The following RBBP8 variants were observed in gnomAD, a reference collection of about 807,000 sequenced individuals.
The protein encoded by RBBP8 is RB binding protein 8, endonuclease, also known as DNA endonuclease RBBP8.
RBBP8 carries 88 observed loss-of-function variants against 108.3 expected under a neutral mutation model. The ratio of observed to expected loss-of-function variants is 0.81; its 90% CI spans 0.68 to 0.97. RBBP8 has a LOEUF of 0.97. Among genes scored for constraint, RBBP8 ranks in the 50% least tolerant of loss-of-function variants. The pLI, the probability that RBBP8 is intolerant of heterozygous loss-of-function variation, is 0.00. For missense variants in RBBP8, 1,023 were observed against 1,049.0 expected (o/e 0.98, Z 0.34); for synonymous variants, 332 against 348.2 (o/e 0.95, Z 0.52).
chr18:22,965,244 A>C (rs573889814), intron 4 of RBBP8, among the ~76,000 whole-genome samples: 1 of 151,708 alleles, frequency 6.6e-6, no homozygotes, highest in Admixed American at 6.6e-5. Context: ...CTTATAATTT[A>C]TAAGCATTTC....
intron 4 of RBBP8, chr18:22,950,110 G>A (rs1455486205): frequency 1.2e-5 from 2 of 172,424 alleles, no homozygotes; most frequent in East Asian, 1.6e-4. Flanking sequence ...GGAGTCTAGG[G>A]ATCTTCTTTC....
chr18:22,950,310 C>T (rs148803398), intron 4 of RBBP8, among the ~76,000 whole-genome samples: 215 of 152,232 alleles, frequency 1.4e-3, no homozygotes, highest in Middle Eastern at 0.014. Context: ...TCCAGCCAAG[C>T]GTGGTGGCTC....
intron 15 of RBBP8, among the ~76,000 whole-genome samples, chr18:23,004,041 C>T (rs571060408): frequency 3.5e-4 from 43 of 123,262 alleles, no homozygotes; most frequent in African/African-American, 1.2e-3. Flanking sequence ...TGGGCAACAG[C>T]GCAAGACCCC....
At chr18:22,929,123 G>C (rs1909900319), upstream of RBBP8, among the ~76,000 whole-genome samples, 1 of 152,166 alleles carries the variant, frequency 6.6e-6, no homozygotes, top group Non-Finnish European at 1.5e-5. Context: ...CTCAACTAGG[G>C]CAATAAGTGA....
At chr18:22,957,980 G>T (rs776294914) in intron 4 of RBBP8, among the ~76,000 whole-genome samples, 3 of 152,084 alleles carry the variant, frequency 2.0e-5, no homozygotes, top group Non-Finnish European at 4.4e-5. Flanking sequence ...ATATATTTAG[G>T]TCTTTGTTTT....
chr18:23,014,884 T>TTTTTG (rs980610934), intron 16 of RBBP8, among the ~76,000 whole-genome samples: 4 of 152,050 alleles, frequency 2.6e-5, no homozygotes, highest in Non-Finnish European at 4.4e-5. Context: ...TTCTGGTTTT[T>TTTTTG]TTTTGTTTTG....
At chr18:23,025,158 G>A (rs1004648875) in intron 18 of RBBP8, among the ~76,000 whole-genome samples, 1 of 152,132 alleles carries the variant, frequency 6.6e-6, no homozygotes, top group Non-Finnish European at 1.5e-5. Flanking sequence ...AGGAGGCTGA[G>A]ATGGGAGGAT....
intron 6 of RBBP8, among the ~76,000 whole-genome samples, chr18:22,978,259 G>A (rs1914631896): frequency 1.3e-5 from 2 of 152,180 alleles, no homozygotes; most frequent in African/African-American, 4.8e-5. Context: ...GTTTAAGAGG[G>A]AGCAGAGGTC....
At chr18:22,939,421 C>T (rs889028677) in intron 2 of RBBP8, among the ~76,000 whole-genome samples, 8 of 151,908 alleles carry the variant, frequency 5.3e-5, no homozygotes, top group African/African-American at 1.9e-4. Flanking sequence ...GCAGGAGAAT[C>T]GCTTGAACCC....
intron 5 of RBBP8, among the ~76,000 whole-genome samples, chr18:22,969,817 A>G (rs1913934118): frequency 6.6e-6 from 1 of 152,154 alleles, no homozygotes; most frequent in African/African-American, 2.4e-5. Flanking sequence ...ACTTTAGACT[A>G]TGTCTTGGAA....
intron 16 of RBBP8, 85 bp downstream of exon 16, chr18:23,006,517 T>A (rs2046051557): frequency 8.2e-7 from 1 of 1,217,114 alleles, no homozygotes; most frequent in Non-Finnish European, 1.2e-6. Context: ...TTCTTTTTTT[T>A]TAAAGACAGA....
intron 4 of RBBP8, among the ~76,000 whole-genome samples, chr18:22,964,378 T>G (rs976120526): frequency 1.3e-5 from 2 of 151,286 alleles, no homozygotes; most frequent in East Asian, 3.9e-4. Flanking sequence ...CTTAGGTTTT[T>G]TTTTTTTTTT....
chr18:22,917,262 C>T (rs1909398045), intron 3 of RBBP8, among the ~76,000 whole-genome samples: 1 of 152,116 alleles, frequency 6.6e-6, no homozygotes, highest in East Asian at 1.9e-4. Flanking sequence ...TGAAAAAAAT[C>T]GCTTTCATTT....
chr18:22,918,992 C>T (rs1766853221), intron 3 of RBBP8, among the ~76,000 whole-genome samples: 1 of 152,014 alleles, frequency 6.6e-6, no homozygotes, highest in Non-Finnish European at 1.5e-5. Context: ...TTATTATAGG[C>T]TAATATTAAA....
At chr18:22,948,911 A>G (rs1041756801) in intron 3 of RBBP8, among the ~76,000 whole-genome samples, 2 of 152,316 alleles carry the variant, frequency 1.3e-5, no homozygotes, top group Non-Finnish European at 1.5e-5. Flanking sequence ...AAATATGACA[A>G]CTTTGGAAGG....
chr18:22,981,127 C>T (rs1437532290), intron 6 of RBBP8, among the ~76,000 whole-genome samples: 11 of 151,764 alleles, frequency 7.2e-5, no homozygotes, highest in African/African-American at 2.7e-4. Context: ...CCTGCCACCA[C>T]ACCCAGCTAA....
chr18:22,921,433 T>C (rs1909589992), intron 3 of RBBP8, among the ~76,000 whole-genome samples: 1 of 152,208 alleles, frequency 6.6e-6, no homozygotes, highest in Admixed American at 6.5e-5. Context: ...TTGTTTCTAT[T>C]GGCTTCAGAG....
At chr18:23,015,692 C>T (rs1184646398) in intron 16 of RBBP8, among the ~76,000 whole-genome samples, 3 of 151,904 alleles carry the variant, frequency 2.0e-5, no homozygotes, top group Admixed American at 2.0e-4. Flanking sequence ...CCAGTTTTAC[C>T]AGCACCGTTT....
In RBBP8 at chr18:22,946,309, C is replaced by T. The variant is rs773414011; in HGVS notation, c.110-135C>T. The T allele has an allele frequency of 1.3e-4, 154 of 1,168,594 alleles. 1 individual carries two copies. Among genetic ancestry groups the T allele is most frequent in the Non-Finnish European group, 1.5e-4 (123 of 833,938 alleles). The allele number at this position is 1,168,594 out of a possible 1,614,324, so 72.4% of individuals were successfully genotyped here. On this transcript the variant is annotated intron_variant, in intron 2 of 18. Coordinates refer to ENST00000327155, the MANE Select transcript of RBBP8 (RefSeq NM_002894.3). ...TATGCTTTTGTGACTGCAGAGTACA[C>T]GTAAGGGGCATATACTGTAAACTAA...
Sources: allele counts gnomAD v4.1 joint callset (sites outside exome capture counted in the v4.1 genomes callset), GRCh38; gene constraint gnomAD v4.1.1; transcripts MANE v1.5; gene names NCBI Gene and HGNC (gene_info 2026-07-23, HGNC 2026-07-21).